The following SHQ1 variants were observed in gnomAD, a reference collection of about 807,000 sequenced individuals.
SHQ1 encodes the protein SHQ1, H/ACA ribonucleoprotein assembly factor, also known as protein SHQ1 homolog.
Under a neutral mutation model 53.8 loss-of-function variants are expected in SHQ1, and 49 were observed. The observed-to-expected ratio is 0.91, with a 90% CI of 0.72 to 1.16. The LOEUF (loss-of-function observed/expected upper bound fraction) is 1.16. SHQ1 is among the 50% of genes most tolerant of loss of function. The probability of loss-of-function intolerance (pLI) is 0.00; values close to 1 mark genes in which losing one functional copy is unlikely to be tolerated. For synonymous variants in SHQ1, 243 were observed against 251.0 expected (o/e 0.97, Z 0.30); for missense variants, 738 against 683.1 (o/e 1.08, Z -0.90).
rs761809869 is a variant in SHQ1, at chr3:72,848,230, G to C, written c.111C>G (p.Asp37Glu). Residue 37 changes from aspartate (D) to glutamate (E), a missense_variant, in exon 1 of 11, where the codon GAC (aspartate) becomes GAG (glutamate). Coordinates refer to ENST00000325599, the MANE Select transcript of SHQ1 (RefSeq NM_018130.3). The stretch of plus-strand genomic sequence containing the variant: ...AGTATGGCTTGGCGTAGAACTTGAA[G>C]TCAGACCCCTCGAAGTAGACGTCGA... ...SEFDVYFEGS[D>E]FKFYAKPYFL... 40 of 1,614,098 alleles carry C rather than the reference G, an allele frequency of 2.5e-5. No individual in the cohort carries two copies. The highest frequency in any genetic ancestry group is 3.2e-5 in the Non-Finnish European group (38 of 1,180,050).
chr3:72,839,855 G>A lies in SHQ1; in HGVS notation c.486+1190C>T, dbSNP rs565128900. On this transcript the variant is annotated intron_variant, in intron 4 of 10. Transcript: ENST00000325599. ...AGCTCACTGCAACCTCTGCTTCCCG[G>A]GTTCAAGGGATTCTCCTGCCTCAGC... 4.6e-5 allele frequency among the ~76,000 whole-genome samples: 7 copies of A among 152,100 alleles called. No homozygotes were observed. In the South Asian group the frequency reaches 8.3e-4, roughly 18 times the overall value.
intron 10 of SHQ1, among the ~76,000 whole-genome samples, chr3:72,763,307 AT>A (rs1445031384): frequency 4.6e-5 from 7 of 152,298 alleles, no homozygotes; most frequent in African/African-American, 1.7e-4. Flanking sequence ...TTCTGACAAC[AT>A]TCCTACATTT....
Position 72,831,712 on chromosome 3 carries a change from A to G in SHQ1, c.599+657T>C, listed in dbSNP as rs1707827108. Among the ~76,000 whole-genome samples, 3 of 152,226 alleles carry G rather than the reference A, an allele frequency of 2.0e-5. No homozygotes were observed. The South Asian group carries it at 6.2e-4, about 31-fold the overall frequency. ...TGGAAGAAATGCTGCTATCCTGGCC[A>G]GTGGGAGGTATCACAATCTCTCAAG... On this transcript the variant is annotated intron_variant, in intron 5 of 10. Coordinates refer to ENST00000325599, the MANE Select transcript of SHQ1 (RefSeq NM_018130.3).
At chr3:72,758,780 G>A (rs1468466830) in intron 10 of SHQ1, among the ~76,000 whole-genome samples, 1 of 152,056 alleles carries the variant, frequency 6.6e-6, no homozygotes, top group Non-Finnish European at 1.5e-5. Flanking sequence ...TGTTGGCCAG[G>A]CTGGTCTCAA....
chr3:72,840,560 CAAAAAAAAAA>C (rs572046519), intron 4 of SHQ1, among the ~76,000 whole-genome samples: 2 of 97,376 alleles, frequency 2.1e-5, no homozygotes, highest in African/African-American at 3.2e-5. Context: ...GACTCCGTCT[CAAAAAAAAAA>C]AAAAAAAGAG....
chr3:72,782,671 T>A (rs893218569), intron 10 of SHQ1, among the ~76,000 whole-genome samples: 3 of 151,602 alleles, frequency 2.0e-5, no homozygotes, highest in Non-Finnish European at 4.4e-5. Context: ...GAGATAATTA[T>A]GTTATAACAA....
Position 72,848,395 on chromosome 3 carries a change from C to T in SHQ1, c.-55G>A, listed in dbSNP as rs1018934318. 1.9e-6 allele frequency: 3 copies of T among 1,603,136 alleles called. No homozygotes were observed. The highest frequency in any genetic ancestry group is 2.6e-6 in the Non-Finnish European group (3 of 1,174,366). On this transcript the variant is annotated 5_prime_UTR_variant, in exon 1 of 11. Coordinates refer to ENST00000325599, the MANE Select transcript of SHQ1 (RefSeq NM_018130.3). ...CTCGCTCTCACTGCCGCCGCGTTCCCGCCACGCAAACTCTCCAACTCCCCA... is the reference window on the plus strand; with the variant it reads ...CTCGCTCTCACTGCCGCCGCGTTCCTGCCACGCAAACTCTCCAACTCCCCA...
chr3:72,813,410 G>A (rs1707187276), intron 8 of SHQ1, among the ~76,000 whole-genome samples: 1 of 144,914 alleles, frequency 6.9e-6, no homozygotes, highest in Admixed American at 7.0e-5. Flanking sequence ...AGGCTGCAGT[G>A]AGTCAAGATG....
chr3:72,836,261 G>A (rs139296377), intron 4 of SHQ1, among the ~76,000 whole-genome samples: 54 of 152,274 alleles, frequency 3.5e-4, no homozygotes, highest in African/African-American at 1.2e-3. Flanking sequence ...AGGCCAAGGC[G>A]GGCAGATCAC....
chr3:72,748,484 A>G (rs1705297051), downstream of SHQ1, among the ~76,000 whole-genome samples: 1 of 152,014 alleles, frequency 6.6e-6, no homozygotes, highest in Non-Finnish European at 1.5e-5. Flanking sequence ...TGAGCTCAGG[A>G]GTTCAAGACC....
chr3:72,832,303 G>A (rs1707845857), intron 5 of SHQ1, 66 bp downstream of exon 5: 3 of 1,181,276 alleles, frequency 2.5e-6, no homozygotes, highest in African/African-American at 3.0e-5. Context: ...GAGTTTAAAA[G>A]ACACTCAAAA....
intron 10 of SHQ1, among the ~76,000 whole-genome samples, chr3:72,774,752 T>C (rs749795917): frequency 4.6e-5 from 7 of 152,112 alleles, no homozygotes; most frequent in Non-Finnish European, 8.8e-5. Flanking sequence ...TTCCAAAATG[T>C]AGAAGAAATA....
In SHQ1 at chr3:72,750,403, T is replaced by C. The variant is rs1474551943; in HGVS notation, c.1615A>G (p.Ile539Val). ...TTCAGTTGTTCCCCAAGCTCCTCTA[T>C]CAGAGGCCCAGACACTCCAAGAGGC... ...SWPLGVSGPL[I>V]EELGEQLKTT... Residue 539 changes from isoleucine (I) to valine (V), a missense_variant, in exon 11 of 11, where the codon ATA becomes GTA. Physicochemically the swap from Ile to Val is conservative, Grantham distance 29. Coordinates refer to ENST00000325599, the MANE Select transcript of SHQ1 (RefSeq NM_018130.3). The C allele has an allele frequency of 6.2e-7, 1 of 1,614,140 alleles. No individual in the cohort carries two copies. The highest frequency in any genetic ancestry group is 1.7e-5 in the Admixed American group (1 of 60,012).
At chr3:72,788,867 T>C (rs1490904172) in intron 10 of SHQ1, among the ~76,000 whole-genome samples, 1 of 152,126 alleles carries the variant, frequency 6.6e-6, no homozygotes, top group Non-Finnish European at 1.5e-5. Context: ...GTTAAACAGA[T>C]GCTTGAAGGC....
At chr3:72,836,423 A>G (rs1250567172) in intron 4 of SHQ1, among the ~76,000 whole-genome samples, 1 of 152,028 alleles carries the variant, frequency 6.6e-6, no homozygotes, top group Admixed American at 6.5e-5. Flanking sequence ...CGGGAGGCGG[A>G]GCTTGCAGTG....
intron 10 of SHQ1, chr3:72,753,645 G>A: frequency 1.0e-6 from 1 of 985,380 alleles, no homozygotes; most frequent in Non-Finnish European, 1.2e-6. Context: ...AACTTCCAGA[G>A]CGCTTAGAGA....
downstream of SHQ1, among the ~76,000 whole-genome samples, chr3:72,747,743 T>G (rs1001844887): frequency 2.0e-5 from 3 of 152,184 alleles, no homozygotes; most frequent in African/African-American, 4.8e-5. Context: ...ATCCCAGCAC[T>G]TTGGGAGTCT....
intron 5 of SHQ1, among the ~76,000 whole-genome samples, chr3:72,829,608 G>A (rs28404026): frequency 0.026 from 3,916 of 152,256 alleles, 179 homozygotes; most frequent in African/African-American, 0.09. Context: ...AGGTGATCTT[G>A]CTCCCAGCCA....
At chr3:72,843,076 C>CAA (rs767123809) in intron 2 of SHQ1, among the ~76,000 whole-genome samples, 2,182 of 86,730 alleles carry the variant, frequency 0.025, 43 homozygotes, top group African/African-American at 0.084. Context: ...GATTCTGTCT[C>CAA]AAAAAAAAAA....
Sources: allele counts gnomAD v4.1 joint callset (sites outside exome capture counted in the v4.1 genomes callset), GRCh38; gene constraint gnomAD v4.1.1; transcripts MANE v1.5; gene names NCBI Gene and HGNC (gene_info 2026-07-23, HGNC 2026-07-21).